Variants in LYZL1 observed in about 807,000 individuals in gnomAD.
LYZL1 encodes lysozyme-like protein 1.
A neutral mutation model predicts 17.9 loss-of-function variants in LYZL1; 16 were observed. The observed-to-expected ratio is 0.90, with a 90% CI of 0.61 to 1.36. The LOEUF (loss-of-function observed/expected upper bound fraction) is 1.36. Among genes scored for constraint, LYZL1 ranks in the 40% most tolerant of loss-of-function variants. The pLI is 0.00. For missense variants in LYZL1, 149 were observed against 188.4 expected (o/e 0.79, Z 1.22); for synonymous variants, 58 against 71.8 (o/e 0.81, Z 0.97).
intron 3 of LYZL1, among the ~76,000 whole-genome samples, chr10:29,304,246 C>G (rs573083494): frequency 7.2e-5 from 11 of 152,136 alleles, no homozygotes; most frequent in Non-Finnish European, 1.5e-4. Context: ...TACAAAATGC[C>G]TGATGTGATG....
intron 1 of LYZL1, among the ~76,000 whole-genome samples, chr10:29,290,375 CCG>C (rs1437053896): frequency 5.3e-5 from 8 of 152,280 alleles, no homozygotes; most frequent in East Asian, 1.9e-4. Context: ...TCAGATGATT[CCG>C]CAGGGGTCTC....
chr10:29,306,505 C>A (rs10826608), intron 3 of LYZL1, among the ~76,000 whole-genome samples: 1 of 128,772 alleles, frequency 7.8e-6, no homozygotes, highest in Non-Finnish European at 1.6e-5. Context: ...AGCCGAGATC[C>A]CGCCACTGCA....
chr10:29,290,368 G>A (rs1034207690), intron 1 of LYZL1, among the ~76,000 whole-genome samples: 3 of 152,194 alleles, frequency 2.0e-5, no homozygotes, highest in African/African-American at 7.2e-5. Flanking sequence ...TCCCATTTCA[G>A]ATGATTCCGC....
At chr10:29,306,780 T>C (rs530119630) in intron 3 of LYZL1, among the ~76,000 whole-genome samples, 63 of 149,408 alleles carry the variant, frequency 4.2e-4, no homozygotes, top group African/African-American at 1.5e-3. Flanking sequence ...TCACCTCACA[T>C]AGTTACCGCT....
intron 1 of LYZL1, among the ~76,000 whole-genome samples, chr10:29,291,513 T>C (rs1279331367): frequency 2.0e-5 from 3 of 151,268 alleles, no homozygotes; most frequent in Non-Finnish European, 3.0e-5. Context: ...CCCTGTATTC[T>C]ATTTTTCATT....
intron 4 of LYZL1, chr10:29,318,107 G>A: frequency 2.1e-6 from 2 of 965,682 alleles, no homozygotes; most frequent in Non-Finnish European, 2.5e-6. Flanking sequence ...TGCAGATAGT[G>A]GCTGAAAGAA....
chr10:29,300,455 C>T (rs770033005), intron 3 of LYZL1, among the ~76,000 whole-genome samples: 4 of 152,124 alleles, frequency 2.6e-5, no homozygotes, highest in Non-Finnish European at 5.9e-5. Flanking sequence ...TGTTGTCACG[C>T]ATTTTTCTTT....
chr10:29,311,709 G>A (rs1166229819), downstream of LYZL1, among the ~76,000 whole-genome samples: 1 of 152,196 alleles, frequency 6.6e-6, no homozygotes, highest in Non-Finnish European at 1.5e-5. Context: ...CAGGCACGGT[G>A]GCTCACGTGT....
chr10:29,311,812 TACTA>T (rs1448661066), downstream of LYZL1, among the ~76,000 whole-genome samples: 8 of 151,970 alleles, frequency 5.3e-5, no homozygotes, highest in Non-Finnish European at 5.9e-5. Flanking sequence ...ACCCCGTCTC[TACTA>T]AAAATACAAA....
chr10:29,290,283 G>A (rs1835344409), intron 1 of LYZL1, among the ~76,000 whole-genome samples: 1 of 152,174 alleles, frequency 6.6e-6, no homozygotes. Flanking sequence ...TTGTATTTGG[G>A]GAAGACATTA....
chr10:29,311,542 C>A (rs571195194), downstream of LYZL1, among the ~76,000 whole-genome samples: 1 of 152,306 alleles, frequency 6.6e-6, no homozygotes, highest in East Asian at 1.9e-4. Flanking sequence ...ATTTATCTAT[C>A]TACACGCACG....
intron 3 of LYZL1, among the ~76,000 whole-genome samples, chr10:29,298,250 A>G (rs1835471415): frequency 2.0e-5 from 3 of 152,176 alleles, no homozygotes; most frequent in Non-Finnish European, 4.4e-5. Context: ...GAGAACTATG[A>G]CCAGCACCGA....
chr10:29,305,915 CAG>C (rs1835582485), intron 3 of LYZL1, among the ~76,000 whole-genome samples: 1 of 152,180 alleles, frequency 6.6e-6, no homozygotes, highest in South Asian at 2.1e-4. Flanking sequence ...CCACTTCCAA[CAG>C]AGTTAACAAA....
At chr10:29,290,944 C>G (rs1475753138) in intron 1 of LYZL1, among the ~76,000 whole-genome samples, 5 of 152,236 alleles carry the variant, frequency 3.3e-5, no homozygotes, top group Non-Finnish European at 7.3e-5. Flanking sequence ...TTAATCTTCA[C>G]TCTTCGATAA....
chr10:29,306,660 T>G (rs2132832827), intron 3 of LYZL1, among the ~76,000 whole-genome samples: 1 of 151,830 alleles, frequency 6.6e-6, no homozygotes, highest in East Asian at 1.9e-4. Flanking sequence ...CCAGCTTTAG[T>G]GAGGTATAAT....
At chr10:29,295,633 T>C (rs910770434) in intron 3 of LYZL1, among the ~76,000 whole-genome samples, 10 of 152,224 alleles carry the variant, frequency 6.6e-5, no homozygotes, top group Non-Finnish European at 1.2e-4. Flanking sequence ...AGGAAGGATC[T>C]GAGATCAGGT....
chr10:29,313,126 C>T (rs185035951), downstream of LYZL1, among the ~76,000 whole-genome samples: 805 of 152,200 alleles, frequency 5.3e-3, no homozygotes, highest in Non-Finnish European at 8.3e-3. Context: ...AATAAATAAA[C>T]ATGTTATATA....
Position 29,291,938 on chromosome 10 carries a change from G to A in LYZL1, c.71G>A (p.Arg24His), listed in dbSNP as rs751313868. 134 of 1,594,730 alleles carry A rather than the reference G, an allele frequency of 8.4e-5. 5 individuals carry two copies. In the South Asian group the frequency reaches 1.3e-3, roughly 15 times the overall value. The change falls in exon 2 of 5, where the codon CGT becomes CAT. Residue 24 changes from arginine (R) to histidine (H), a missense_variant. This residue lies in a region of LYZL1 where 19 missense variants were observed against 55.9 expected (regional missense o/e 0.34). Transcript: ENST00000649382. ...VTGAESKIYT[R>H]CKLAKIFSRA... ...GGCGCCGAGTCCAAAATCTACACTC[G>A]TTGCAAACTGGCAAAAATATTCTCG... is the stretch of plus-strand genomic sequence containing the variant.
chr10:29,310,367 T>C (rs1412352135), intron 4 of LYZL1, among the ~76,000 whole-genome samples, 179 bp downstream of exon 4: 4 of 152,104 alleles, frequency 2.6e-5, no homozygotes, highest in Non-Finnish European at 4.4e-5. Context: ...TAGTAGTACA[T>C]AGAAAGGGAG....
Sources: gnomAD v4.1 joint callset for allele counts (sites outside exome capture counted in the v4.1 genomes callset) on GRCh38, gnomAD v4.1.1 for gene constraint, gnomAD v4.1.1 regional missense constraint, MANE v1.5 for transcripts, NCBI Gene and HGNC (gene_info 2026-07-23, HGNC 2026-07-21) for gene names.